The following ARHGAP30 variants were observed in gnomAD, a reference collection of about 807,000 sequenced individuals.
ARHGAP30 encodes rho GTPase-activating protein 30.
In ARHGAP30, 23 loss-of-function variants were observed where a neutral mutation model predicts 72.0. The observed-to-expected ratio is 0.32, with a 90% CI of 0.23 to 0.45. The LOEUF (loss-of-function observed/expected upper bound fraction) is 0.45. ARHGAP30 is among the 20% of genes least tolerant of loss of function. The pLI, the probability that ARHGAP30 is intolerant of heterozygous loss-of-function variation, is 1.00. For synonymous variants in ARHGAP30, 576 were observed against 528.2 expected, an observed-to-expected ratio of 1.09 and a Z score of -1.24; for missense variants, 1,319 against 1,383.4, an observed-to-expected ratio of 0.95 and a Z score of 0.74.
At position 161,048,734 on chromosome 1, in the gene ARHGAP30, C is replaced by T. The variant is rs1170324445; in HGVS notation, c.2287G>A (p.Val763Ile). ...TGCTCTAGGTCCCTTCCAGCTTCTA[C>T]CTGGGCTTCCTCTCTTTGTTCATCC... is the stretch of plus-strand genomic sequence containing the variant. ...EEDEQREEAQ[V>I]EAGRDLEQGA... Residue 763 changes from valine to isoleucine, a missense_variant, in exon 12 of 12, where the codon GTA becomes ATA. Val to Ile is a conservative substitution (Grantham distance 29). Transcript: ENST00000368013. 1.2e-5 allele frequency: 19 copies of T among 1,614,098 alleles called. No homozygotes were observed. Among genetic ancestry groups the T allele is most frequent in the Non-Finnish European group, 1.5e-5 (18 of 1,180,012 alleles).
chr1:161,049,762 A>G lies in ARHGAP30; in HGVS notation c.1421-73T>C, dbSNP rs1026460426. The G allele has an allele frequency of 7.8e-6, 12 of 1,544,040 alleles. No individual in the cohort carries two copies. The African/African-American group carries it at 1.6e-4, about 21-fold the overall frequency. ...CCTTTTCAGTGTGAGTCCTCCTAGC[A>G]TTGATATAGCAGGGGCCCAGCACTC... is the stretch of plus-strand genomic sequence containing the variant. On this transcript the variant is annotated intron_variant, in intron 10 of 11. Transcript: ENST00000368013.
chr1:161,055,201 A>G (rs1651731419), intron 3 of ARHGAP30, among the ~76,000 whole-genome samples: 1 of 152,228 alleles, frequency 6.6e-6, no homozygotes, highest in African/African-American at 2.4e-5. Context: ...TCGCATTTAA[A>G]AGATGTTCAG....
chr1:161,051,589 G>C lies in ARHGAP30; in HGVS notation c.1145C>G (p.Thr382Arg), dbSNP rs768490589. The C allele has an allele frequency of 1.2e-6, 2 of 1,613,916 alleles. No homozygotes were observed. Among genetic ancestry groups the C allele is most frequent in the South Asian group, 2.2e-5 (2 of 91,092 alleles). The change falls in exon 10 of 12, where the codon ACA becomes AGA. Residue 382 changes from threonine (T) to arginine (R), a missense_variant. Physicochemically the swap from Thr to Arg is moderately conservative, Grantham distance 71. Transcript: ENST00000368013. Reference protein sequence around the residue: ...QEPEAEALGGTNSEPGTPRAG... With the variant: ...QEPEAEALGGRNSEPGTPRAG... ...TCGTGGTGTGCCTGGTTCAGAGTTTGTGCCACCCAGTGCTTCTGCCTCAGG... is the reference window on the plus strand; with the variant it reads ...TCGTGGTGTGCCTGGTTCAGAGTTTCTGCCACCCAGTGCTTCTGCCTCAGG...
At chr1:161,060,848 C>T (rs2102060693) in intron 1 of ARHGAP30, among the ~76,000 whole-genome samples, 1 of 151,560 alleles carries the variant, frequency 6.6e-6, no homozygotes, top group African/African-American at 2.4e-5. Context: ...ATTACAGACG[C>T]CCGCCGCTAC....
At chr1:161,055,922 A>T (rs368668064) in intron 3 of ARHGAP30, among the ~76,000 whole-genome samples, 2 of 24,520 alleles carry the variant, frequency 8.2e-5, no homozygotes, top group Admixed American at 3.3e-4. Context: ...AAATAAAATA[A>T]AATAAAATAA....
Position 161,052,679 on chromosome 1 carries a change from A to G in ARHGAP30, c.783T>C (p.Asp261=). The change falls in exon 7 of 12, where the codon GAT becomes GAC. Residue 261 remains aspartate (D), a synonymous_variant. Coordinates refer to ENST00000368013, the MANE Select transcript of ARHGAP30 (RefSeq NM_001025598.2). ...YHLPSILQAG[D]GPPQMRPYHT... is the part of the protein sequence containing the mutation. ...GGTAGGGCCGCATCTGTGGGGGTCC[A>G]TCGCCAGCCTGCAGTATGCTAGGCA... The G allele has an allele frequency of 4.3e-6, 7 of 1,613,786 alleles. No individual in the cohort carries two copies. Among genetic ancestry groups the G allele is most frequent in the Non-Finnish European group, 5.9e-6 (7 of 1,179,972 alleles).
rs371570686 is a variant in ARHGAP30, at chr1:161,052,739, G to A, written c.723C>T (p.Pro241=). 1.2e-5 allele frequency: 19 copies of A among 1,612,086 alleles called. No homozygotes were observed. Among genetic ancestry groups the A allele is most frequent in the African/African-American group, 8.0e-5 (6 of 74,946 alleles). Residue 241 remains proline, a synonymous_variant, in exon 7 of 12, where the codon CCC becomes CCT. Coordinates refer to ENST00000368013, the MANE Select transcript of ARHGAP30 (RefSeq NM_001025598.2). ...GCAGTGGCCTGGGCATAAGGTCCTC[G>A]GGGCTGCCTGATGCCCGGGTCCCTG... ...SLPGTRASGS[P]EDLMPRPLPY...
chr1:161,054,837 C>T (rs181032107), intron 3 of ARHGAP30, 132 bp from the exon 4 acceptor site: 121 of 769,818 alleles, frequency 1.6e-4, no homozygotes, highest in Admixed American at 4.8e-4. Flanking sequence ...ACATCATCTG[C>T]GGTGCACTGA....
chr1:161,050,633 T>C (rs1651287355), intron 10 of ARHGAP30, among the ~76,000 whole-genome samples: 2 of 150,384 alleles, frequency 1.3e-5, no homozygotes, highest in African/African-American at 4.9e-5. Context: ...TAATAAACTG[T>C]TTTTTGTTTT....
At chr1:161,064,152 G>T (rs1332225660) in intron 1 of ARHGAP30, among the ~76,000 whole-genome samples, 3 of 152,154 alleles carry the variant, frequency 2.0e-5, no homozygotes, top group African/African-American at 4.8e-5. Flanking sequence ...ATAAAAACTT[G>T]CTGGTTTTTG....
chr1:161,049,168 G>A lies in ARHGAP30; in HGVS notation c.1853C>T (p.Pro618Leu). ...GATTGGGGGTTTAGGTCCCAGAAGG[G>A]GACTTAGGTCATCATAGGCACTCAG... Reference protein sequence around the residue: ...VFLSAYDDLSPLLGPKPPIWK... With the variant: ...VFLSAYDDLSLLLGPKPPIWK... Residue 618 changes from proline (P) to leucine (L), a missense_variant, in exon 12 of 12, where the codon CCC (proline) becomes CTC (leucine). Physicochemically the swap from Pro to Leu is moderately conservative, Grantham distance 98. Coordinates refer to ENST00000368013, the MANE Select transcript of ARHGAP30 (RefSeq NM_001025598.2). 1 of 1,614,148 alleles carries A rather than the reference G, an allele frequency of 6.2e-7. No homozygotes were observed. The highest frequency in any genetic ancestry group is 8.5e-7 in the Non-Finnish European group (1 of 1,180,022).
At chr1:161,060,957 G>A (rs946089459) in intron 1 of ARHGAP30, among the ~76,000 whole-genome samples, 7 of 151,678 alleles carry the variant, frequency 4.6e-5, no homozygotes, top group Admixed American at 6.6e-5. Context: ...GCCCGCCTCG[G>A]CCTCCCAAAG....
At chr1:161,064,833 G>GAAAGAAAGAAAGAA (rs1557935447) in intron 1 of ARHGAP30, among the ~76,000 whole-genome samples, 9 of 66,978 alleles carry the variant, frequency 1.3e-4, no homozygotes, top group African/African-American at 4.8e-4. Flanking sequence ...GAAAGAAAGA[G>GAAAGAAAGAAAGAA]AAAGAAAGAA....
chr1:161,068,726 C>T (rs1652941283), intron 1 of ARHGAP30, among the ~76,000 whole-genome samples: 1 of 152,106 alleles, frequency 6.6e-6, no homozygotes, highest in African/African-American at 2.4e-5. Context: ...CGTTGTGAAC[C>T]TGATATTGTC....
intron 1 of ARHGAP30, among the ~76,000 whole-genome samples, chr1:161,065,345 T>C (rs1160396491): frequency 6.6e-6 from 1 of 152,188 alleles, no homozygotes; most frequent in Non-Finnish European, 1.5e-5. Context: ...CAATGTAATA[T>C]GCATTTCTGG....
In ARHGAP30 at chr1:161,051,669, C is replaced by G. The variant is rs780161873; in HGVS notation, c.1065G>C (p.Leu355Phe). Residue 355 changes from leucine to phenylalanine, a missense_variant, in exon 10 of 12, where the codon TTG becomes TTC. Transcript: ENST00000368013. ...AATCGTTCTCCAAGCTCTCAGGCAG[C>G]AATGGGCTTGGCCGGGGGCTGCTGG... ...VGPSSPRPSP[L>F]LPESLENDSI... 29 of 1,612,560 alleles carry G rather than the reference C, an allele frequency of 1.8e-5. No individual in the cohort carries two copies. The Admixed American group carries it at 3.7e-4, about 20-fold the overall frequency.
chr1:161,047,496 T>C lies in ARHGAP30; in HGVS notation c.*219A>G, dbSNP rs1650935318. 5 of 395,046 alleles carry C rather than the reference T, an allele frequency of 1.3e-5. No homozygotes were observed. Among genetic ancestry groups the C allele is most frequent in the Non-Finnish European group, 2.2e-5 (5 of 226,920 alleles). The allele number at this position is 395,046 out of a possible 1,614,324, so 24.5% of individuals were successfully genotyped here. On this transcript the variant is annotated 3_prime_UTR_variant, in exon 12 of 12. Coordinates refer to ENST00000368013, the MANE Select transcript of ARHGAP30 (RefSeq NM_001025598.2). ...CCTGGGAACAAGATCTTGTTGACTT[T>C]CTTGGGAATCTCCTAAGAGATAAGT...
chr1:161,057,702 A>G (rs10737178), intron 2 of ARHGAP30, among the ~76,000 whole-genome samples: 142,006 of 152,266 alleles, frequency 0.93, 66,348 homozygotes, highest in African/African-American at 0.98. Flanking sequence ...ATCAGTTTAC[A>G]TTTACAGGGA....
chr1:161,052,918 G>A (rs1378826560), intron 6 of ARHGAP30, 121 bp from the exon 7 acceptor site: 2 of 1,238,534 alleles, frequency 1.6e-6, no homozygotes, highest in Admixed American at 5.2e-5. Context: ...AGCCCCTGAA[G>A]ACAGTGCCTC....
Sources: allele counts gnomAD v4.1 joint callset (sites outside exome capture counted in the v4.1 genomes callset), GRCh38; gene constraint gnomAD v4.1.1; transcripts MANE v1.5; gene names NCBI Gene and HGNC (gene_info 2026-07-23, HGNC 2026-07-21).